RANBP17: variants seen among roughly 807,000 people sequenced by gnomAD.
The protein encoded by RANBP17 is ran-binding protein 17.
RANBP17 carries 158 observed loss-of-function variants against 141.2 expected under a neutral mutation model. The ratio of observed to expected loss-of-function variants is 1.12; its 90% CI spans 0.98 to 1.28. The LOEUF (loss-of-function observed/expected upper bound fraction) is 1.28. RANBP17 is among the 50% of genes most tolerant of loss of function. The pLI is 0.00. For missense variants in RANBP17, 1,438 were observed against 1,290.7 expected, an observed-to-expected ratio of 1.11 and a Z score of -1.75; for synonymous variants, 430 against 450.0, an observed-to-expected ratio of 0.96 and a Z score of 0.56.
intron 14 of RANBP17, among the ~76,000 whole-genome samples, chr5:171,005,755 A>G (rs1283821392): frequency 6.6e-6 from 1 of 152,210 alleles, no homozygotes. Context: ...GGATCTAATT[A>G]AACTAAAGAG....
chr5:171,063,849 A>G (rs955882772), intron 14 of RANBP17, among the ~76,000 whole-genome samples: 4 of 152,116 alleles, frequency 2.6e-5, no homozygotes, highest in African/African-American at 9.7e-5. Flanking sequence ...TTGTTTACCT[A>G]GCGAGCCTGG....
chr5:171,140,294 G>A (rs1333769548), intron 14 of RANBP17, among the ~76,000 whole-genome samples: 1 of 152,094 alleles, frequency 6.6e-6, no homozygotes, highest in Non-Finnish European at 1.5e-5. Context: ...ATGAGGATAG[G>A]GATCATGTTT....
chr5:171,093,670 G>C (rs573444860), intron 14 of RANBP17, among the ~76,000 whole-genome samples: 1 of 152,276 alleles, frequency 6.6e-6, no homozygotes, highest in East Asian at 1.9e-4. Context: ...GTTATTTTCA[G>C]TTTAGTTTTA....
At chr5:171,147,990 C>T (rs969461753) in intron 14 of RANBP17, among the ~76,000 whole-genome samples, 13 of 152,046 alleles carry the variant, frequency 8.6e-5, no homozygotes, top group Non-Finnish European at 2.9e-5. Context: ...GGATGGTTGC[C>T]GTGTCTGTGT....
At chr5:170,982,455 C>A (rs933185373) in intron 14 of RANBP17, among the ~76,000 whole-genome samples, 6 of 151,938 alleles carry the variant, frequency 3.9e-5, no homozygotes, top group Non-Finnish European at 7.4e-5. Flanking sequence ...AATATTAAAA[C>A]CATTAAAAGG....
At chr5:171,206,689 T>C (rs763303142) in intron 20 of RANBP17, 1 of 179,980 alleles carries the variant, frequency 5.6e-6, no homozygotes, top group Non-Finnish European at 1.2e-5. Flanking sequence ...GCCACAGTTA[T>C]GGCCAAAAAT....
At chr5:170,983,702 A>G (rs1777926848) in intron 14 of RANBP17, among the ~76,000 whole-genome samples, 1 of 152,194 alleles carries the variant, frequency 6.6e-6, no homozygotes, top group South Asian at 2.1e-4. Flanking sequence ...TAAATCATGT[A>G]TGTGTATAAT....
At chr5:171,019,882 A>G (rs954790866) in intron 14 of RANBP17, among the ~76,000 whole-genome samples, 4 of 152,078 alleles carry the variant, frequency 2.6e-5, no homozygotes, top group African/African-American at 7.2e-5. Context: ...CTGATTTGAG[A>G]TATTTCTAGC....
At chr5:171,020,254 G>T (rs148362076) in intron 14 of RANBP17, among the ~76,000 whole-genome samples, 1 of 152,176 alleles carries the variant, frequency 6.6e-6, no homozygotes, top group Non-Finnish European at 1.5e-5. Context: ...TTGATTTGGG[G>T]TGGAGAGTTC....
intron 22 of RANBP17, among the ~76,000 whole-genome samples, chr5:171,236,992 A>G (rs1046830413): frequency 1.3e-5 from 2 of 152,172 alleles, no homozygotes; most frequent in South Asian, 2.1e-4. Flanking sequence ...TCTTTGGGTA[A>G]TGGGAGTCTC....
At chr5:171,125,625 C>T (rs1214859769) in intron 14 of RANBP17, among the ~76,000 whole-genome samples, 1 of 152,138 alleles carries the variant, frequency 6.6e-6, no homozygotes, top group Non-Finnish European at 1.5e-5. Flanking sequence ...GGCAAAAAAT[C>T]CACAAAGAAA....
chr5:171,099,376 A>G (rs1786954433), intron 14 of RANBP17, among the ~76,000 whole-genome samples: 1 of 152,058 alleles, frequency 6.6e-6, no homozygotes, highest in South Asian at 2.1e-4. Context: ...CTTTGGAGCA[A>G]TTGTGAATGG....
At chr5:170,943,752 A>G (rs974247121) in intron 12 of RANBP17, among the ~76,000 whole-genome samples, 6 of 152,150 alleles carry the variant, frequency 3.9e-5, no homozygotes, top group Non-Finnish European at 8.8e-5. Context: ...TGTTACCAAA[A>G]TAACATTTTT....
intron 18 of RANBP17, among the ~76,000 whole-genome samples, chr5:171,197,826 CAGG>C (rs1256826310): frequency 1.3e-5 from 2 of 152,158 alleles, no homozygotes; most frequent in Non-Finnish European, 2.9e-5. Context: ...ATCACGAGGT[CAGG>C]AGATCAAGAC....
chr5:171,105,574 G>A (rs1194572182), intron 14 of RANBP17, among the ~76,000 whole-genome samples: 1 of 151,716 alleles, frequency 6.6e-6, no homozygotes, highest in Non-Finnish European at 1.5e-5. Flanking sequence ...TTAGCTGAGT[G>A]GGTATGGTGG....
intron 12 of RANBP17, among the ~76,000 whole-genome samples, chr5:170,935,052 C>T (rs1036082143): frequency 5.9e-5 from 9 of 152,152 alleles, no homozygotes; most frequent in Non-Finnish European, 1.3e-4. Context: ...TCATTTCATT[C>T]ATTTGATATT....
intron 14 of RANBP17, among the ~76,000 whole-genome samples, chr5:171,065,112 C>T (rs758193403): frequency 6.6e-5 from 10 of 152,156 alleles, no homozygotes; most frequent in Non-Finnish European, 1.3e-4. Context: ...TCTTTTGGTG[C>T]ATATATAGAT....
chr5:171,274,141 TGTGTGTGTGCGCGC>T (rs1396204904), intron 25 of RANBP17, among the ~76,000 whole-genome samples: 1 of 130,694 alleles, frequency 7.7e-6, no homozygotes, highest in Non-Finnish European at 1.7e-5. Flanking sequence ...TGTGTGTGTG[TGTGTGTGTGCGCGC>T]GCGCGCGCGT....
At chr5:171,018,849 A>G (rs1206032695) in intron 14 of RANBP17, among the ~76,000 whole-genome samples, 1 of 152,212 alleles carries the variant, frequency 6.6e-6, no homozygotes, top group African/African-American at 2.4e-5. Flanking sequence ...TTCAAAGGGA[A>G]TGCTTCCAGC....
Sources: gnomAD v4.1 joint callset for allele counts (sites outside exome capture counted in the v4.1 genomes callset) on GRCh38, gnomAD v4.1.1 for gene constraint, MANE v1.5 for transcripts, NCBI Gene and HGNC (gene_info 2026-07-23, HGNC 2026-07-21) for gene names.